TLK1: variants seen among roughly 807,000 people sequenced by gnomAD.
TLK1 encodes the protein serine/threonine-protein kinase tousled-like 1.
TLK1 carries 24 observed loss-of-function variants against 105.3 expected under a neutral mutation model. That is an observed-to-expected ratio of 0.23 (90% CI 0.17 to 0.32). The LOEUF is 0.32. Ranked by LOEUF, TLK1 falls within the 10% of genes least tolerant of loss-of-function variation. The pLI, the probability that TLK1 is intolerant of heterozygous loss-of-function variation, is 1.00. For synonymous variants in TLK1, 321 were observed against 310.4 expected (o/e 1.03, Z -0.36); for missense variants, 558 against 910.5 (o/e 0.61, Z 4.98).
At chr2:171,189,100 G>T (rs1477834038) in intron 1 of TLK1, among the ~76,000 whole-genome samples, 1 of 151,532 alleles carries the variant, frequency 6.6e-6, no homozygotes, top group Non-Finnish European at 1.5e-5. Flanking sequence ...AAATATCCAT[G>T]TAACCAGAAT....
At chr2:171,060,899 A>C (rs909776712) in intron 4 of TLK1, among the ~76,000 whole-genome samples, 182 bp downstream of exon 4, 1 of 152,232 alleles carries the variant, frequency 6.6e-6, no homozygotes, top group African/African-American at 2.4e-5. Context: ...CTAGGACCCA[A>C]ATGAAAACAA....
intron 1 of TLK1, among the ~76,000 whole-genome samples, chr2:171,223,065 T>C (rs1027200236): frequency 1.3e-5 from 2 of 152,206 alleles, no homozygotes; most frequent in Admixed American, 1.3e-4. Context: ...TCTGCACGCC[T>C]CTGCCTCCCA....
At chr2:171,190,889 C>T (rs973299532) in intron 1 of TLK1, among the ~76,000 whole-genome samples, 3 of 151,678 alleles carry the variant, frequency 2.0e-5, no homozygotes, top group African/African-American at 4.9e-5. Context: ...TCTGGCTGGG[C>T]GTGGTGGCTC....
chr2:171,013,318 CTTTTTTTTTTTTT>C (rs774923512), intron 13 of TLK1, among the ~76,000 whole-genome samples: 29 of 74,150 alleles, frequency 3.9e-4, no homozygotes, highest in East Asian at 2.7e-3. Context: ...TGGCCCCTCA[CTTTTTTTTTTTTT>C]TTTTTTTTTT....
chr2:171,130,579 G>C (rs1691062735), intron 1 of TLK1, among the ~76,000 whole-genome samples: 1 of 152,026 alleles, frequency 6.6e-6, no homozygotes, highest in African/African-American at 2.4e-5. Context: ...TAAGCAACTT[G>C]CCCAAAAATA....
chr2:171,067,558 C>A (rs192984115), intron 3 of TLK1, among the ~76,000 whole-genome samples: 1 of 152,260 alleles, frequency 6.6e-6, no homozygotes, highest in East Asian at 1.9e-4. Flanking sequence ...ACTCACCAAT[C>A]CTTTGAGATG....
At chr2:171,129,373 T>C (rs1272508818) in intron 1 of TLK1, among the ~76,000 whole-genome samples, 1 of 152,230 alleles carries the variant, frequency 6.6e-6, no homozygotes, top group Admixed American at 6.5e-5. Context: ...CCTATTCTTC[T>C]ATCCCAATAA....
intron 1 of TLK1, among the ~76,000 whole-genome samples, chr2:171,217,831 G>A (rs1426949011): frequency 6.6e-6 from 1 of 152,194 alleles, no homozygotes; most frequent in Non-Finnish European, 1.5e-5. Context: ...ATATATATGT[G>A]TGACTAAAAT....
chr2:171,217,409 G>T (rs74609020), intron 1 of TLK1, among the ~76,000 whole-genome samples: 1 of 152,192 alleles, frequency 6.6e-6, no homozygotes, highest in East Asian at 1.9e-4. Flanking sequence ...TGACCATTTT[G>T]AGAACTGGTT....
intron 10 of TLK1, among the ~76,000 whole-genome samples, chr2:171,048,839 A>G (rs1687087736): frequency 6.6e-6 from 1 of 152,224 alleles, no homozygotes; most frequent in Admixed American, 6.5e-5. Context: ...ATACTCTGGA[A>G]AAGCTGATGT....
At chr2:171,190,546 T>C (rs923175544) in intron 1 of TLK1, among the ~76,000 whole-genome samples, 1 of 152,204 alleles carries the variant, frequency 6.6e-6, no homozygotes, top group Non-Finnish European at 1.5e-5. Flanking sequence ...ACATGACATT[T>C]CCAACTTATG....
chr2:171,023,748 A>T (rs936010853), intron 12 of TLK1, among the ~76,000 whole-genome samples: 3 of 152,182 alleles, frequency 2.0e-5, no homozygotes, highest in Non-Finnish European at 4.4e-5. Flanking sequence ...AAGGAAGTTG[A>T]TTTTGCAGGG....
intron 2 of TLK1, among the ~76,000 whole-genome samples, chr2:171,088,234 A>C (rs1021674234): frequency 1.3e-5 from 2 of 152,194 alleles, no homozygotes; most frequent in Non-Finnish European, 2.9e-5. Flanking sequence ...CAGGAGGCTA[A>C]GGTAGGAGGA....
At chr2:171,012,968 G>C (rs1474540202) in intron 13 of TLK1, among the ~76,000 whole-genome samples, 1 of 151,566 alleles carries the variant, frequency 6.6e-6, no homozygotes, top group Non-Finnish European at 1.5e-5. Flanking sequence ...GTAATTTTCG[G>C]AACAGTTAGT....
chr2:171,202,619 T>C (rs1693425438), intron 1 of TLK1, among the ~76,000 whole-genome samples: 2 of 151,738 alleles, frequency 1.3e-5, no homozygotes, highest in African/African-American at 4.8e-5. Flanking sequence ...TAGCTGGGCA[T>C]GGTGGTGTGC....
chr2:171,060,021 T>A, intron 4 of TLK1: 1 of 1,610,530 alleles, frequency 6.2e-7, no homozygotes, highest in Non-Finnish European at 8.5e-7. Context: ...TGCTTTGGAC[T>A]TGAAGTCAAG....
intron 10 of TLK1, among the ~76,000 whole-genome samples, chr2:171,049,071 A>G (rs2105427711): frequency 6.6e-6 from 1 of 152,320 alleles, no homozygotes; most frequent in Non-Finnish European, 1.5e-5. Flanking sequence ...AGTGGGAGCT[A>G]AACATTGGAG....
intron 2 of TLK1, among the ~76,000 whole-genome samples, chr2:171,097,142 G>A (rs1451529349): frequency 2.0e-5 from 3 of 152,142 alleles, no homozygotes; most frequent in Non-Finnish European, 4.4e-5. Flanking sequence ...ATAAACCAAT[G>A]GAACACAACA....
chr2:171,062,736 T>C (rs1208053181), intron 3 of TLK1, among the ~76,000 whole-genome samples: 1 of 152,234 alleles, frequency 6.6e-6, no homozygotes, highest in Admixed American at 6.5e-5. Context: ...ATTTTTTCTA[T>C]GATATCCTAC....
Sources: gnomAD v4.1 joint callset for allele counts (sites outside exome capture counted in the v4.1 genomes callset) on GRCh38, gnomAD v4.1.1 for gene constraint, MANE v1.5 for transcripts, NCBI Gene and HGNC (gene_info 2026-07-23, HGNC 2026-07-21) for gene names.